LRBA: variants seen among roughly 807,000 people sequenced by gnomAD.
LRBA encodes the protein LPS responsive beige-like anchor protein.
In LRBA, 176 loss-of-function variants were observed where a neutral mutation model predicts 330.0. The ratio of observed to expected loss-of-function variants is 0.53; its 90% CI spans 0.47 to 0.60. LRBA has a LOEUF of 0.60. Ranked by LOEUF, LRBA falls within the 20% of genes least tolerant of loss-of-function variation. The pLI is 0.00. For synonymous variants in LRBA, 1,230 were observed against 1,193.0 expected, an observed-to-expected ratio of 1.03 and a Z score of -0.64; for missense variants, 3,259 against 3,444.8, an observed-to-expected ratio of 0.95 and a Z score of 1.35.
chr4:150,652,936 A>G (rs566145656), intron 37 of LRBA, among the ~76,000 whole-genome samples: 1 of 152,320 alleles, frequency 6.6e-6, no homozygotes, highest in African/African-American at 2.4e-5. Context: ...AATCCATATC[A>G]GCTTCTTTCC....
chr4:150,528,445 G>T (rs978369615), intron 40 of LRBA, among the ~76,000 whole-genome samples: 5 of 150,830 alleles, frequency 3.3e-5, no homozygotes, highest in African/African-American at 1.2e-4. Flanking sequence ...AGCTTGCAGT[G>T]AGCCGAGATC....
intron 40 of LRBA, among the ~76,000 whole-genome samples, chr4:150,496,456 TC>T (rs1759601653): frequency 6.6e-6 from 1 of 151,974 alleles, no homozygotes; most frequent in South Asian, 2.1e-4. Flanking sequence ...TTAAAGCCAA[TC>T]CTTTAAGTGA....
intron 40 of LRBA, among the ~76,000 whole-genome samples, chr4:150,563,594 GTC>G (rs1474370973): frequency 1.3e-5 from 2 of 152,250 alleles, no homozygotes; most frequent in African/African-American, 4.8e-5. Context: ...AAGTCAAATT[GTC>G]TCTGTTTGCA....
Position 150,538,881 on chromosome 4 carries a change from T to A in LRBA, c.6331-47846A>T, listed in dbSNP as rs72736305. Among the ~76,000 whole-genome samples, 1,148 of 151,932 alleles carry A rather than the reference T, an allele frequency of 7.6e-3. 10 individuals carry two copies. Among genetic ancestry groups the A allele is most frequent in the Non-Finnish European group, 0.011 (745 of 67,950 alleles). ...GCTCACTACCTAGGTGACAGGATCA[T>A]TCCTACCCCAAACCTCAGTGTTATT... is the stretch of plus-strand genomic sequence containing the variant. On this transcript the variant is annotated intron_variant, in intron 40 of 56. Coordinates refer to ENST00000651943, the MANE Select transcript of LRBA (RefSeq NM_001364905.1).
intron 40 of LRBA, chr4:150,584,187 ACT>A: frequency 7.1e-7 from 1 of 1,400,664 alleles, no homozygotes; most frequent in South Asian, 2.1e-5. Context: ...AACAGCAGAA[ACT>A]CTGGACACAA....
intron 36 of LRBA, among the ~76,000 whole-genome samples, chr4:150,685,365 T>C (rs2126923582): frequency 8.1e-6 from 1 of 123,646 alleles, no homozygotes; most frequent in Admixed American, 9.2e-5. Flanking sequence ...GCATGGTGTA[T>C]ATGTACATGC....
rs768911809 is a variant in LRBA, at chr4:150,844,716, C to A, written c.4403G>T (p.Gly1468Val). 16 of 1,612,926 alleles carry A rather than the reference C, an allele frequency of 9.9e-6. No homozygotes were observed. The highest frequency in any genetic ancestry group is 1.4e-5 in the Non-Finnish European group (16 of 1,179,140). Residue 1468 changes from glycine (G) to valine (V), a missense_variant, in exon 27 of 57, where the codon GGA becomes GTA. By Grantham distance (109) the Gly-to-Val change is moderately radical (BLOSUM62 -3). Transcript: ENST00000651943. ...CQQHSQLKTRGDKALKPMHSL... is the reference protein window; with the variant it reads ...CQQHSQLKTRVDKALKPMHSL... ...ATGCATTGGTTTCAAGGCTTTATCT[C>A]CCCTAGTTTTCAGTTGTGAATGCTG...
At chr4:150,419,633 C>CTTTTTTTTT in intron 46 of LRBA, among the ~76,000 whole-genome samples, 1 of 96,990 alleles carries the variant, frequency 1.0e-5, no homozygotes, top group Non-Finnish European at 2.0e-5. Context: ...CTGATAATAT[C>CTTTTTTTTT]TTTTTTTTTT....
At chr4:150,580,277 A>C (rs1325877196) in intron 40 of LRBA, 2 of 148,468 alleles carry the variant, frequency 1.3e-5, no homozygotes, top group Non-Finnish European at 3.0e-5. Flanking sequence ...ACAAACCCTA[A>C]GCAACAAATC....
intron 22 of LRBA, among the ~76,000 whole-genome samples, chr4:150,860,554 G>A (rs1364288446): frequency 1.3e-5 from 2 of 152,110 alleles, no homozygotes; most frequent in East Asian, 3.8e-4. Flanking sequence ...TAGGCCGGGC[G>A]CGGTGGTTCA....
At chr4:150,593,976 T>C (rs74685825) in intron 38 of LRBA, among the ~76,000 whole-genome samples, 2,617 of 152,270 alleles carry the variant, frequency 0.017, 81 homozygotes, top group African/African-American at 0.058. Flanking sequence ...CTAATCATGC[T>C]GCCTATATTA....
At chr4:150,353,504 T>A (rs1049417524) in intron 47 of LRBA, among the ~76,000 whole-genome samples, 1 of 152,152 alleles carries the variant, frequency 6.6e-6, no homozygotes, top group African/African-American at 2.4e-5. Flanking sequence ...GCAATTTTAT[T>A]TTATGTGTCA....
At position 150,550,711 on chromosome 4, in the gene LRBA, A is replaced by G. The variant is rs553265188; in HGVS notation, c.6330+37337T>C. Among the ~76,000 whole-genome samples, 35 of 152,344 alleles carry G rather than the reference A, an allele frequency of 2.3e-4. 2 individuals carry two copies. The South Asian group carries it at 7.0e-3, about 31-fold the overall frequency. On this transcript the variant is annotated intron_variant, in intron 40 of 56. Coordinates refer to ENST00000651943, the MANE Select transcript of LRBA (RefSeq NM_001364905.1). The stretch of plus-strand genomic sequence containing the variant: ...CCCAAAATATGATGAGTTAGAAATT[A>G]TCTTGCATTTGTGTGCTCATTCATA...
chr4:150,922,602 T>C (rs1283280712), intron 4 of LRBA, among the ~76,000 whole-genome samples: 1 of 151,920 alleles, frequency 6.6e-6, no homozygotes, highest in Non-Finnish European at 1.5e-5. Context: ...TACAATGGAC[T>C]TTGGGGACTT....
intron 42 of LRBA, among the ~76,000 whole-genome samples, chr4:150,478,730 A>G (rs1056953454): frequency 2.0e-5 from 3 of 152,210 alleles, no homozygotes; most frequent in African/African-American, 7.2e-5. Context: ...CGTTCAAAGA[A>G]TAGCTGGTTA....
chr4:150,768,676 G>T (rs1460168694), intron 34 of LRBA, among the ~76,000 whole-genome samples: 1 of 151,310 alleles, frequency 6.6e-6, no homozygotes, highest in African/African-American at 2.4e-5. Context: ...CAGACATATA[G>T]ATTTTCTCTG....
chr4:150,849,646 A>G, intron 24 of LRBA, 71 bp from the exon 25 acceptor site: 1 of 1,230,620 alleles, frequency 8.1e-7, no homozygotes, highest in Non-Finnish European at 1.2e-6. Flanking sequence ...ACTTGAGGGG[A>G]GGAAAGATAA....
At chr4:150,473,642 C>T (rs2152071288) in intron 42 of LRBA, among the ~76,000 whole-genome samples, 1 of 152,212 alleles carries the variant, frequency 6.6e-6, no homozygotes, top group East Asian at 1.9e-4. Context: ...ACTTCTTACC[C>T]CATCCCTCTC....
At chr4:150,490,286 C>G (rs1311214698) in intron 41 of LRBA, among the ~76,000 whole-genome samples, 1 of 151,696 alleles carries the variant, frequency 6.6e-6, no homozygotes, top group African/African-American at 2.4e-5. Flanking sequence ...GGAATATGTA[C>G]AATAAATCAG....
Sources: gnomAD v4.1 joint callset for allele counts (sites outside exome capture counted in the v4.1 genomes callset) on GRCh38, gnomAD v4.1.1 for gene constraint, MANE v1.5 for transcripts, NCBI Gene and HGNC (gene_info 2026-07-23, HGNC 2026-07-21) for gene names.